DDR1: variants seen among roughly 807,000 people sequenced by gnomAD.
DDR1 encodes the protein epithelial discoidin domain-containing receptor 1.
In DDR1, 64 loss-of-function variants were observed where a neutral mutation model predicts 97.4. The ratio of observed to expected loss-of-function variants is 0.66; its 90% CI spans 0.54 to 0.81. The LOEUF is 0.81. Among genes scored for constraint, DDR1 ranks in the 30% least tolerant of loss-of-function variants. The pLI is 0.00. For synonymous variants in DDR1, 458 were observed against 503.7 expected (o/e 0.91, Z 1.21); for missense variants, 990 against 1,259.6 (o/e 0.79, Z 3.24).
chr6:30,889,364 C>T lies in DDR1; in HGVS notation c.351C>T (p.Ser117=), dbSNP rs1309108249. The change falls in exon 4 of 18, where the codon AGC becomes AGT. Residue 117 remains serine (S), a synonymous_variant. Coordinates refer to ENST00000376568, the MANE Select transcript of DDR1 (RefSeq NM_001297654.2). The surrounding 1 kb of genome is among the most constrained non-coding windows in gnomAD (Gnocchi z 4.9). Reference sequence around the variant, plus strand: ...GCCTGGGCAAGGAGTTCTCCCGGAGCTACCGGCTGCGTTACTCCCGGGATG... The same window carrying T: ...GCCTGGGCAAGGAGTTCTCCCGGAGTTACCGGCTGCGTTACTCCCGGGATG... The part of the protein sequence containing the change: ...AGGLGKEFSR[S]YRLRYSRDGR... 1.2e-6 allele frequency: 2 copies of T among 1,607,930 alleles called. No homozygotes were observed. Among genetic ancestry groups the T allele is most frequent in the East Asian group, 2.2e-5 (1 of 44,814 alleles).
intron 11 of DDR1, 60 bp from the exon 12 acceptor site, chr6:30,895,344 G>A (rs1325284785): frequency 7.6e-7 from 1 of 1,318,814 alleles, no homozygotes. Flanking sequence ...AGGTCTCCCT[G>A]TCTGTCTAGC....
chr6:30,894,430 G>C lies in DDR1; in HGVS notation c.1348-76G>C. 7.0e-7 allele frequency: 1 copy of C among 1,426,680 alleles called. No individual in the cohort carries two copies. The highest frequency in any genetic ancestry group is 9.4e-7 in the Non-Finnish European group (1 of 1,065,132). 88.4% of individuals were successfully genotyped at this position (1,426,680 alleles called of 1,614,324 possible). A position where few individuals can be genotyped will look rare whatever the true frequency, so the allele number is the denominator to read the frequency against. On this transcript the variant is annotated intron_variant, in intron 10 of 17. Transcript: ENST00000376568. This position sits in a 1 kb window ranked among gnomAD's most constrained non-coding sequence, Gnocchi z 5.7. ...TCTTGTGAGGGCTGAGGGAGGGAAC[G>C]CAGGGATGGACACAGCAGAGGGCCA... is the stretch of plus-strand genomic sequence containing the variant.
Position 30,890,587 on chromosome 6 carries a change from C to T in DDR1, c.418-386C>T, listed in dbSNP as rs1192154011. 2 of 197,542 alleles carry T rather than the reference C, an allele frequency of 1.0e-5. No homozygotes were observed. Among genetic ancestry groups the T allele is most frequent in the East Asian group, 1.2e-4 (1 of 8,342 alleles). The allele number at this position is 197,542 out of a possible 1,614,324, so 12.2% of individuals were successfully genotyped here. A position where few individuals can be genotyped will look rare whatever the true frequency, so the allele number is the denominator to read the frequency against. ...CGCCTGGCACAGAGCGGGCACTCAG[C>T]CAACTTCTGCTGAATGAACAGAGGG... On this transcript the variant is annotated intron_variant, in intron 4 of 17. Coordinates refer to ENST00000376568, the MANE Select transcript of DDR1 (RefSeq NM_001297654.2). The surrounding 1 kb of genome is among the most constrained non-coding windows in gnomAD (Gnocchi z 5.0).
chr6:30,894,648 C>T lies in DDR1; in HGVS notation c.1490C>T (p.Ala497Val), dbSNP rs753207870. 6.2e-7 allele frequency: 1 copy of T among 1,606,898 alleles called. No homozygotes were observed. Among genetic ancestry groups the T allele is most frequent in the Admixed American group, 1.7e-5 (1 of 59,170 alleles). Residue 497 changes from alanine (A) to valine (V), a missense_variant, in exon 11 of 18, where the codon GCT becomes GTT. Coordinates refer to ENST00000376568, the MANE Select transcript of DDR1 (RefSeq NM_001297654.2). The surrounding 1 kb of genome is among the most constrained non-coding windows in gnomAD (Gnocchi z 5.7). The part of the protein sequence containing the change: ...PRPRGNPPHS[A>V]PCVPNGSALL... The stretch of plus-strand genomic sequence containing the variant: ...CCTCGTGGGAATCCGCCCCACTCCG[C>T]TCCCTGTGTCCCCAATGGCTCTGGT...
At chr6:30,885,810 C>G (rs1334193645) in intron 1 of DDR1, 13 of 1,289,854 alleles carry the variant, frequency 1.0e-5, no homozygotes, top group Non-Finnish European at 1.3e-5. Flanking sequence ...ACAGCCAGTT[C>G]AGTAAGTTTG....
chr6:30,899,113 G>A, intron 17 of DDR1, 43 bp from the exon 18 acceptor site: 3 of 1,614,168 alleles, frequency 1.9e-6, no homozygotes, highest in Non-Finnish European at 2.5e-6. Context: ...GGAGACTAAA[G>A]AATATTTGTT....
Position 30,892,015 on chromosome 6 carries a change from G to T in DDR1, c.679G>T (p.Gly227Cys). The T allele has an allele frequency of 2.5e-6, 4 of 1,614,002 alleles. No homozygotes were observed. The highest frequency in any genetic ancestry group is 3.4e-6 in the Non-Finnish European group (4 of 1,179,954). ...GHTVGGLQYG[G>C]LGQLADGVVG... ...CCTCTTCTCCAGACTGCAGTATGGG[G>T]GTCTGGGCCAGCTGGCAGATGGTGT... is the stretch of plus-strand genomic sequence containing the variant. Residue 227 changes from glycine (G) to cysteine (C), a missense_variant, in exon 7 of 18, where the codon GGT becomes TGT. Coordinates refer to ENST00000376568, the MANE Select transcript of DDR1 (RefSeq NM_001297654.2).
chr6:30,891,011 G>A lies in DDR1; in HGVS notation c.456G>A (p.Leu152=). The change falls in exon 5 of 18, where the codon CTG becomes CTA. Residue 152 remains leucine (L), a synonymous_variant. Coordinates refer to ENST00000376568, the MANE Select transcript of DDR1 (RefSeq NM_001297654.2). The surrounding 1 kb of genome is among the most constrained non-coding windows in gnomAD (Gnocchi z 5.3). ...SGNEDPEGVV[L]KDLGPPMVAR... is the part of the protein sequence containing the mutation. ...ATGAGGACCCTGAGGGAGTGGTGCT[G>A]AAGGACCTTGGGCCCCCCATGGTTG... 1 of 1,612,618 alleles carries A rather than the reference G, an allele frequency of 6.2e-7. No homozygotes were observed. The highest frequency in any genetic ancestry group is 8.5e-7 in the Non-Finnish European group (1 of 1,179,778).
chr6:30,891,174 G>A lies in DDR1; in HGVS notation c.565+54G>A, dbSNP rs1272388173. On this transcript the variant is annotated intron_variant, in intron 5 of 17. Coordinates refer to ENST00000376568, the MANE Select transcript of DDR1 (RefSeq NM_001297654.2). This position sits in a 1 kb window ranked among gnomAD's most constrained non-coding sequence, Gnocchi z 5.3. ...TTTCCTGAGCAGGGGACTGGAGGGTGGGGAGTGTGGAGAATGGGCATCCAG... is the reference window on the plus strand; with the variant it reads ...TTTCCTGAGCAGGGGACTGGAGGGTAGGGAGTGTGGAGAATGGGCATCCAG... 1.9e-6 allele frequency: 3 copies of A among 1,604,770 alleles called. No individual in the cohort carries two copies. The highest frequency in any genetic ancestry group is 4.5e-5 in the East Asian group (2 of 44,792).
rs753101485 is a variant in DDR1, at chr6:30,892,277, C to T, written c.853-19C>T. The T allele has an allele frequency of 2.1e-5, 33 of 1,583,212 alleles. No homozygotes were observed. Among genetic ancestry groups the T allele is most frequent in the Non-Finnish European group, 2.8e-5 (32 of 1,161,834 alleles). On this transcript the variant is annotated intron_variant, in intron 7 of 17. Transcript: ENST00000376568. Reference sequence around the variant, plus strand: ...ACCACTCCTAGCCTTGACCCTGTGCCCTCTTCCCTTCCCCCCAGGTCCACT... The same window carrying T: ...ACCACTCCTAGCCTTGACCCTGTGCTCTCTTCCCTTCCCCCCAGGTCCACT...
chr6:30,892,677 G>T, intron 8 of DDR1, 135 bp downstream of exon 8: 2 of 1,252,810 alleles, frequency 1.6e-6, no homozygotes, highest in Non-Finnish European at 2.2e-6. Context: ...TCAATTAGGG[G>T]TGCCCCAAAT....
chr6:30,895,216 G>T (rs886193727), intron 11 of DDR1, among the ~76,000 whole-genome samples, 188 bp from the exon 12 acceptor site: 6 of 151,744 alleles, frequency 4.0e-5, no homozygotes, highest in African/African-American at 1.2e-4. Context: ...CTATTCATAC[G>T]TCCCATCTGT....
chr6:30,885,283 C>T, intron 1 of DDR1: 1 of 1,527,084 alleles, frequency 6.5e-7, no homozygotes, highest in Non-Finnish European at 8.8e-7. Context: ...CTTGGCTGAA[C>T]ATTTCTTCCC....
At position 30,895,409 on chromosome 6, in the gene DDR1, C is replaced by G. The variant is rs772098203; in HGVS notation, c.1519C>G (p.Leu507Val). The G allele has an allele frequency of 2.5e-6, 4 of 1,609,854 alleles. No homozygotes were observed. In the East Asian group the frequency reaches 9.0e-5, roughly 36 times the overall value. Residue 507 changes from leucine (L) to valine (V), a missense_variant, in exon 12 of 18, where the codon CTG (leucine) becomes GTG (valine). Leu to Val is a conservative substitution (Grantham distance 32). Coordinates refer to ENST00000376568, the MANE Select transcript of DDR1 (RefSeq NM_001297654.2). ...CCTCCTCCTTCTCCCGACAGCGTTG[C>G]TGCTCTCCAATCCAGCCTACCGCCT... ...APCVPNGSAL[L>V]LSNPAYRLLL... is the part of the protein sequence containing the mutation.
Position 30,885,789 on chromosome 6 carries a change from C to T in DDR1, c.-43+1079C>T, listed in dbSNP as rs530096087. ...GTGGGTGTGTGCATGCCACATTTAGCCTCGCTGTTTACAGCCAGTTCAGTA... is the reference window on the plus strand; with the variant it reads ...GTGGGTGTGTGCATGCCACATTTAGTCTCGCTGTTTACAGCCAGTTCAGTA... On this transcript the variant is annotated intron_variant, in intron 1 of 17. Transcript: ENST00000376568. The T allele has an allele frequency of 3.0e-5, 39 of 1,290,666 alleles. No homozygotes were observed. The African/African-American group carries it at 4.5e-4, about 15-fold the overall frequency. 80.0% of individuals were successfully genotyped at this position (1,290,666 alleles called of 1,614,324 possible). A position where few individuals can be genotyped will look rare whatever the true frequency, so the allele number is the denominator to read the frequency against.
chr6:30,885,209 G>C (rs1213866803), intron 1 of DDR1: 3 of 1,533,724 alleles, frequency 2.0e-6, no homozygotes, highest in Non-Finnish European at 2.6e-6. Flanking sequence ...AATTAGCTCT[G>C]GCATGAGAGA....
Position 30,897,696 on chromosome 6 carries a change from G to A in DDR1, c.2216+99G>A. 3 of 1,012,566 alleles carry A rather than the reference G, an allele frequency of 3.0e-6. No homozygotes were observed. The highest frequency in any genetic ancestry group is 2.9e-6 in the Non-Finnish European group (2 of 693,958). 62.7% of individuals were successfully genotyped at this position (1,012,566 alleles called of 1,614,324 possible). On this transcript the variant is annotated intron_variant, in intron 15 of 17. Coordinates refer to ENST00000376568, the MANE Select transcript of DDR1 (RefSeq NM_001297654.2). This position sits in a 1 kb window ranked among gnomAD's most constrained non-coding sequence, Gnocchi z 5.2. ...TGGAGGAAAAGAGGGGAGCGTGGGG[G>A]TGGGAAGGGAGAGAGGTTCCAGGAG... is the stretch of plus-strand genomic sequence containing the variant.
chr6:30,897,235 G>A lies in DDR1; in HGVS notation c.1997+94G>A, dbSNP rs977627966. 2.1e-5 allele frequency: 33 copies of A among 1,556,916 alleles called. No homozygotes were observed. Among genetic ancestry groups the A allele is most frequent in the Non-Finnish European group, 2.7e-5 (31 of 1,149,498 alleles). On this transcript the variant is annotated intron_variant, in intron 14 of 17. Coordinates refer to ENST00000376568, the MANE Select transcript of DDR1 (RefSeq NM_001297654.2). The surrounding 1 kb of genome is among the most constrained non-coding windows in gnomAD (Gnocchi z 5.2). ...GAACAATGGCAGAGCCCAACAGAGG[G>A]GTGGCATCTCTGGGAGGGGATTTAC... is the stretch of plus-strand genomic sequence containing the variant.
intron 12 of DDR1, among the ~76,000 whole-genome samples, chr6:30,896,286 G>A (rs907798788): frequency 2.0e-4 from 30 of 151,812 alleles, no homozygotes; most frequent in African/African-American, 6.8e-4. Context: ...CCTGAGGCGG[G>A]AGAATTCCTG....
Sources: gnomAD v4.1 joint callset for allele counts (sites outside exome capture counted in the v4.1 genomes callset) on GRCh38, gnomAD v4.1.1 for gene constraint, Gnocchi (gnomAD v3.1) non-coding constraint, MANE v1.5 for transcripts, NCBI Gene and HGNC (gene_info 2026-07-23, HGNC 2026-07-21) for gene names.